Variants in ABRAXAS2 observed in about 807,000 individuals in gnomAD.
ABRAXAS2 encodes BRISC complex subunit Abraxas 2.
In ABRAXAS2, 23 loss-of-function variants were observed where a neutral mutation model predicts 49.0. That is an observed-to-expected ratio of 0.47 (90% CI 0.34 to 0.66). The LOEUF is 0.66. Among genes scored for constraint, ABRAXAS2 ranks in the 30% least tolerant of loss-of-function variants. ABRAXAS2 has a pLI of 0.01. For synonymous variants in ABRAXAS2, 168 were observed against 180.2 expected, an observed-to-expected ratio of 0.93 and a Z score of 0.54; for missense variants, 443 against 511.9, an observed-to-expected ratio of 0.87 and a Z score of 1.30.
chr10:124,808,427 C>T (rs1950762714), intron 2 of ABRAXAS2, among the ~76,000 whole-genome samples: 1 of 152,260 alleles, frequency 6.6e-6, no homozygotes, highest in South Asian at 2.1e-4. Flanking sequence ...CCGCCCACCT[C>T]AGCCTCCCAA....
intron 8 of ABRAXAS2, among the ~76,000 whole-genome samples, chr10:124,831,840 GTCTTTTTTTTTTTTTT>G (rs1950934955): frequency 9.4e-6 from 1 of 106,208 alleles, no homozygotes; most frequent in East Asian, 3.0e-4. Flanking sequence ...ACTGTGTCCT[GTCTTTTTTTTTTTTTT>G]TTTTTTTTTT....
At chr10:124,815,964 G>A (rs914713500) in intron 2 of ABRAXAS2, among the ~76,000 whole-genome samples, 10 of 147,580 alleles carry the variant, frequency 6.8e-5, no homozygotes, top group Non-Finnish European at 1.0e-4. Flanking sequence ...GTGCAGTGGC[G>A]CGATCTCTGC....
intron 2 of ABRAXAS2, among the ~76,000 whole-genome samples, chr10:124,811,179 T>A (rs549682689): frequency 6.6e-6 from 1 of 151,772 alleles, no homozygotes; most frequent in Non-Finnish European, 1.5e-5. Context: ...GCCACTGCAC[T>A]CCAGCCTGGG....
At chr10:124,828,479 C>T (rs1950910682) in intron 5 of ABRAXAS2, among the ~76,000 whole-genome samples, 1 of 152,186 alleles carries the variant, frequency 6.6e-6, no homozygotes, top group Admixed American at 6.5e-5. Context: ...ATTCTCCTGC[C>T]TCAGCCTCCC....
In ABRAXAS2 at chr10:124,819,543, A is replaced by C; in HGVS notation, c.267+93A>C. 2.5e-6 allele frequency: 3 copies of C among 1,186,412 alleles called. No individual in the cohort carries two copies. The South Asian group carries it at 3.9e-5, about 16-fold the overall frequency. The allele number at this position is 1,186,412 out of a possible 1,614,324, so 73.5% of individuals were successfully genotyped here. A position where few individuals can be genotyped will look rare whatever the true frequency, so the allele number is the denominator to read the frequency against. On this transcript the variant is annotated intron_variant, in intron 4 of 8. Coordinates refer to ENST00000298492, the MANE Select transcript of ABRAXAS2 (RefSeq NM_032182.4). Reference sequence around the variant, plus strand: ...CAGGAATGTAAAATGGAACAATAAGATTTCATGTTAATATGTAAAAGTTTT... The same window carrying C: ...CAGGAATGTAAAATGGAACAATAAGCTTTCATGTTAATATGTAAAAGTTTT...
At position 124,836,090 on chromosome 10, in the gene ABRAXAS2, C is replaced by G. The variant is rs963742613; in HGVS notation, c.*1119C>G. On this transcript the variant is annotated 3_prime_UTR_variant, in exon 9 of 9. Coordinates refer to ENST00000298492, the MANE Select transcript of ABRAXAS2 (RefSeq NM_032182.4). ...CAACGTCTGAAACCACTAAGACATT[C>G]AGGAGCATGTTGAGCTTCTGGTTTG... The G allele has an allele frequency of 6.6e-5, 10 of 152,520 alleles. No homozygotes were observed. Among genetic ancestry groups the G allele is most frequent in the African/African-American group, 2.2e-4 (9 of 41,428 alleles). The allele number at this position is 152,520 out of a possible 1,614,324, so 9.4% of individuals were successfully genotyped here.
At chr10:124,816,553 G>A (rs1282173651) in intron 2 of ABRAXAS2, 23 bp from the exon 3 acceptor site, 3 of 1,565,738 alleles carry the variant, frequency 1.9e-6, no homozygotes, top group South Asian at 2.2e-5. Flanking sequence ...TAACTAAGAT[G>A]TATTTCCTCT....
At chr10:124,824,138 G>A (rs1950881711) in intron 4 of ABRAXAS2, among the ~76,000 whole-genome samples, 1 of 152,294 alleles carries the variant, frequency 6.6e-6, no homozygotes, top group South Asian at 2.1e-4. Context: ...CTGGGCTCAA[G>A]TGATCCTCCT....
intron 3 of ABRAXAS2, among the ~76,000 whole-genome samples, chr10:124,817,384 C>G (rs1480302339): frequency 1.3e-5 from 2 of 152,140 alleles, no homozygotes; most frequent in Admixed American, 6.5e-5. Context: ...AGTCCAGGGT[C>G]TCTTACTCAC....
chr10:124,829,868 G>A (rs1233133675), intron 7 of ABRAXAS2, among the ~76,000 whole-genome samples: 1 of 152,092 alleles, frequency 6.6e-6, no homozygotes, highest in East Asian at 1.9e-4. Flanking sequence ...CACTCACTTT[G>A]CCCCCAGCTG....
intron 3 of ABRAXAS2, among the ~76,000 whole-genome samples, chr10:124,817,945 C>T (rs999891478): frequency 3.9e-5 from 6 of 152,186 alleles, no homozygotes; most frequent in South Asian, 2.1e-4. Flanking sequence ...ATTGTTTAGG[C>T]TCTGGTTCAC....
chr10:124,811,450 G>A (rs752686743), intron 2 of ABRAXAS2, among the ~76,000 whole-genome samples: 78 of 151,942 alleles, frequency 5.1e-4, no homozygotes, highest in Admixed American at 2.0e-3. Flanking sequence ...AAATAGGGCC[G>A]GGCACGGTGG....
At chr10:124,810,138 A>C (rs925885543) in intron 2 of ABRAXAS2, among the ~76,000 whole-genome samples, 3 of 152,144 alleles carry the variant, frequency 2.0e-5, no homozygotes, top group African/African-American at 7.2e-5. Flanking sequence ...TTCTTCTTCC[A>C]ATGTGGCCCA....
chr10:124,832,573 G>A lies in ABRAXAS2; in HGVS notation c.778+1110G>A, dbSNP rs375726116. Among the ~76,000 whole-genome samples, 15 of 152,272 alleles carry A rather than the reference G, an allele frequency of 9.9e-5. No individual in the cohort carries two copies. In the South Asian group the frequency reaches 3.1e-3, roughly 32 times the overall value. On this transcript the variant is annotated intron_variant, in intron 8 of 8. Transcript: ENST00000298492. ...CAGAAATACAGATAGGGCTGGGCGC[G>A]GTGGCTCACGCCTGTAATCCTAGCA...
rs373282824 is a variant in ABRAXAS2, at chr10:124,834,727, A to G, written c.1004A>G (p.Gln335Arg). The change falls in exon 9 of 9, where the codon CAA (glutamine) becomes CGA (arginine). Residue 335 changes from glutamine to arginine, a missense_variant. Physicochemically the swap from Gln to Arg is conservative, Grantham distance 43 (BLOSUM62 1). Transcript: ENST00000298492. ...AGGAGTGTCTTTATGCCTCGACCTC[A>G]AGCTGTGGGCTCTTCCAATTATGCT... ...MERSVFMPRP[Q>R]AVGSSNYAST... The G allele has an allele frequency of 9.9e-6, 16 of 1,613,968 alleles. No homozygotes were observed. In the African/African-American group the frequency reaches 1.7e-4, roughly 18 times the overall value.
In ABRAXAS2 at chr10:124,836,203, T is replaced by TC. The variant is rs1290383564; in HGVS notation, c.*1233dup. 6.6e-6 allele frequency: 1 copy of TC among 152,624 alleles called. No homozygotes were observed. The highest frequency in any genetic ancestry group is 1.5e-5 in the Non-Finnish European group (1 of 68,034). The allele number at this position is 152,624 out of a possible 1,614,324, so 9.5% of individuals were successfully genotyped here. On this transcript the variant is annotated 3_prime_UTR_variant, in exon 9 of 9. Coordinates refer to ENST00000298492, the MANE Select transcript of ABRAXAS2 (RefSeq NM_032182.4). ...TGCCTTCCCTTTGAACTAGTTAAAA[T>TC]CTGTAAGAATAAGGAAGTTGTTGAA...
rs983080187 is a variant in ABRAXAS2, at chr10:124,816,654, A to T, written c.200+42A>T. 3.4e-6 allele frequency: 5 copies of T among 1,455,820 alleles called. No homozygotes were observed. In the African/African-American group the frequency reaches 5.6e-5, roughly 16 times the overall value. The allele number at this position is 1,455,820 out of a possible 1,614,324, so 90.2% of individuals were successfully genotyped here. On this transcript the variant is annotated intron_variant, in intron 3 of 8. Coordinates refer to ENST00000298492, the MANE Select transcript of ABRAXAS2 (RefSeq NM_032182.4). ...CTTTTAGTCCTTACTAAAAGGATTGATTGATAAAAAAAACTAGTGAATTTT... is the reference window on the plus strand; with the variant it reads ...CTTTTAGTCCTTACTAAAAGGATTGTTTGATAAAAAAAACTAGTGAATTTT...
In ABRAXAS2 at chr10:124,819,453, A is replaced by G; in HGVS notation, c.267+3A>G. 3 of 1,613,680 alleles carry G rather than the reference A, an allele frequency of 1.9e-6. No homozygotes were observed. Among genetic ancestry groups the G allele is most frequent in the Non-Finnish European group, 2.5e-6 (3 of 1,179,590 alleles). ...GGATTCTTAAAGATCGGAGAAAGGTATGTTCTGTTTGTTGCCCAGTATGAT... is the reference window on the plus strand; with the variant it reads ...GGATTCTTAAAGATCGGAGAAAGGTGTGTTCTGTTTGTTGCCCAGTATGAT... On this transcript the variant is annotated splice_donor_region_variant and intron_variant, in intron 4 of 8. Coordinates refer to ENST00000298492, the MANE Select transcript of ABRAXAS2 (RefSeq NM_032182.4).
At chr10:124,803,144 A>G (rs1950717441) in intron 1 of ABRAXAS2, among the ~76,000 whole-genome samples, 1 of 152,196 alleles carries the variant, frequency 6.6e-6, no homozygotes, top group Non-Finnish European at 1.5e-5. Context: ...TATTTCTTGA[A>G]TGCCTACTAA....
Sources: gnomAD v4.1 joint callset for allele counts (sites outside exome capture counted in the v4.1 genomes callset) on GRCh38, gnomAD v4.1.1 for gene constraint, MANE v1.5 for transcripts, NCBI Gene and HGNC (gene_info 2026-07-23, HGNC 2026-07-21) for gene names.